Variants in GRM7 observed in about 807,000 individuals in gnomAD.
GRM7 encodes the protein glutamate metabotropic receptor 7, also known as metabotropic glutamate receptor 7.
In GRM7, 35 loss-of-function variants were observed where a neutral mutation model predicts 84.5. That is an observed-to-expected ratio of 0.41 (90% CI 0.32 to 0.55). GRM7 has a LOEUF of 0.55. GRM7 is among the 20% of genes least tolerant of loss of function. The pLI is 0.19. For missense variants in GRM7, 1,003 were observed against 1,194.6 expected, an observed-to-expected ratio of 0.84 and a Z score of 2.36; for synonymous variants, 487 against 455.1, an observed-to-expected ratio of 1.07 and a Z score of -0.89.
At chr3:7,480,677 C>A (rs1699093057) in intron 7 of GRM7, among the ~76,000 whole-genome samples, 1 of 152,146 alleles carries the variant, frequency 6.6e-6, no homozygotes, top group South Asian at 2.1e-4. Context: ...ATTACTATTG[C>A]AGATTTGAAT....
chr3:7,175,911 C>T (rs1695130599), intron 2 of GRM7, among the ~76,000 whole-genome samples: 1 of 152,072 alleles, frequency 6.6e-6, no homozygotes, highest in Admixed American at 6.6e-5. Context: ...AGTACAAACC[C>T]ACCAAAAGCT....
chr3:7,378,580 A>T (rs1694455700), intron 4 of GRM7, among the ~76,000 whole-genome samples: 1 of 152,208 alleles, frequency 6.6e-6, no homozygotes, highest in Non-Finnish European at 1.5e-5. Flanking sequence ...ATGCCATGAG[A>T]AAATTCATGT....
chr3:7,381,899 G>A (rs1283527904), intron 4 of GRM7, among the ~76,000 whole-genome samples: 1 of 152,262 alleles, frequency 6.6e-6, no homozygotes, highest in African/African-American at 2.4e-5. Flanking sequence ...GCCTTCATGT[G>A]TTAGGCAAAC....
intron 7 of GRM7, among the ~76,000 whole-genome samples, chr3:7,566,113 T>TG (rs1182441992): frequency 4.9e-4 from 14 of 28,352 alleles, no homozygotes; most frequent in South Asian, 9.3e-4. Flanking sequence ...GTTTTTTTTT[T>TG]TTTTTTTTTT....
intron 2 of GRM7, among the ~76,000 whole-genome samples, chr3:7,237,950 C>T (rs1021734581): frequency 9.9e-5 from 15 of 152,188 alleles, no homozygotes; most frequent in African/African-American, 3.6e-4. Flanking sequence ...AGACCTTTAG[C>T]TAGACACAGA....
chr3:7,076,562 T>G (rs944867379), intron 1 of GRM7, among the ~76,000 whole-genome samples: 2 of 152,258 alleles, frequency 1.3e-5, no homozygotes, highest in East Asian at 3.9e-4. Context: ...TGCAGAACTT[T>G]GAGTCAATTA....
intron 2 of GRM7, among the ~76,000 whole-genome samples, chr3:7,246,727 C>T (rs890425386): frequency 2.6e-5 from 4 of 152,078 alleles, no homozygotes; most frequent in Non-Finnish European, 5.9e-5. Context: ...TGCCAATTCT[C>T]TCCAAATTAA....
intron 1 of GRM7, among the ~76,000 whole-genome samples, chr3:6,993,123 A>G (rs1242270995): frequency 1.3e-5 from 2 of 152,224 alleles, no homozygotes; most frequent in African/African-American, 2.4e-5. Flanking sequence ...AGCAGGAAAG[A>G]AAACAAGAAT....
intron 1 of GRM7, among the ~76,000 whole-genome samples, chr3:7,023,150 C>T (rs557749595): frequency 6.6e-6 from 1 of 152,112 alleles, no homozygotes; most frequent in African/African-American, 2.4e-5. Context: ...CTTGGAGTTG[C>T]CCTCAGAAAA....
At chr3:7,083,113 T>C (rs1207404990) in intron 1 of GRM7, among the ~76,000 whole-genome samples, 2 of 152,122 alleles carry the variant, frequency 1.3e-5, no homozygotes, top group Non-Finnish European at 2.9e-5. Context: ...GAGGATAAAA[T>C]GCTATTAAAC....
intron 4 of GRM7, among the ~76,000 whole-genome samples, chr3:7,391,854 G>C (rs1036338644): frequency 6.6e-6 from 1 of 152,042 alleles, no homozygotes; most frequent in Non-Finnish European, 1.5e-5. Flanking sequence ...TTTGCCTTCA[G>C]TGGGGGTGGA....
chr3:7,505,490 G>A (rs1271296139), intron 7 of GRM7, among the ~76,000 whole-genome samples: 1 of 152,212 alleles, frequency 6.6e-6, no homozygotes, highest in East Asian at 1.9e-4. Context: ...CTCTACTTGT[G>A]TGACAAACCA....
intron 4 of GRM7, among the ~76,000 whole-genome samples, chr3:7,396,924 A>G (rs1695234585): frequency 6.6e-6 from 1 of 152,110 alleles, no homozygotes. Flanking sequence ...AAATTATAAG[A>G]TATGGGTTTT....
chr3:7,225,322 G>T (rs75440501), intron 2 of GRM7, among the ~76,000 whole-genome samples: 1 of 148,612 alleles, frequency 6.7e-6, no homozygotes, highest in Non-Finnish European at 1.5e-5. Context: ...AGCAGCATTG[G>T]GTTATAATAT....
chr3:6,948,437 T>C (rs148924058), intron 1 of GRM7, among the ~76,000 whole-genome samples: 14,052 of 152,238 alleles, frequency 0.092, 683 homozygotes, highest in Middle Eastern at 0.12. Flanking sequence ...TTATAATTTC[T>C]GTTCTTTTAC....
rs555615804 is a variant in GRM7 at position 6,891,423 on chromosome 3, G to A, written c.519+29516G>A. On this transcript the variant is annotated intron_variant, in intron 1 of 9. Coordinates refer to ENST00000357716, the MANE Select transcript of GRM7 (RefSeq NM_000844.4). ...TCCTTCAGGAGCTCTTTTAGAGCAG[G>A]CCTGGTGGTAACAAAATCTCTCAGC... Among the ~76,000 whole-genome samples, 307 of 152,260 alleles carry A rather than the reference G, an allele frequency of 2.0e-3. 2 individuals are homozygous for A. Among genetic ancestry groups the A allele is most frequent in the Non-Finnish European group, 2.5e-3 (170 of 68,028 alleles).
intron 1 of GRM7, among the ~76,000 whole-genome samples, chr3:6,914,490 C>T (rs1378421132): frequency 1.3e-5 from 2 of 152,004 alleles, no homozygotes; most frequent in Non-Finnish European, 2.9e-5. Flanking sequence ...GCAACCTCTG[C>T]CTCCCGGGTT....
intron 1 of GRM7, among the ~76,000 whole-genome samples, chr3:7,033,893 A>G (rs78535984): frequency 0.03 from 4,607 of 152,194 alleles, 253 homozygotes; most frequent in African/African-American, 0.11. Context: ...TCATTTGCTA[A>G]TTTATTATAT....
intron 4 of GRM7, among the ~76,000 whole-genome samples, chr3:7,333,309 G>A (rs1247519818): frequency 6.6e-6 from 1 of 152,146 alleles, no homozygotes; most frequent in African/African-American, 2.4e-5. Flanking sequence ...CAAATTACAA[G>A]TCTCTTTGCA....
Sources: allele counts gnomAD v4.1 joint callset (sites outside exome capture counted in the v4.1 genomes callset), GRCh38; gene constraint gnomAD v4.1.1; transcripts MANE v1.5; gene names NCBI Gene and HGNC (gene_info 2026-07-23, HGNC 2026-07-21).